Variants in FAT1 observed in about 807,000 individuals in gnomAD.
The protein encoded by FAT1 is FAT atypical cadherin 1.
A neutral mutation model predicts 329.8 loss-of-function variants in FAT1; 171 were observed. That is an observed-to-expected ratio of 0.52 (90% CI 0.46 to 0.59). The LOEUF (loss-of-function observed/expected upper bound fraction) is 0.59. Among genes scored for constraint, FAT1 ranks in the 20% least tolerant of loss-of-function variants. The probability of loss-of-function intolerance (pLI) is 0.00; values close to 1 mark genes in which losing one functional copy is unlikely to be tolerated. For missense variants in FAT1, 5,672 were observed against 5,774.4 expected, an observed-to-expected ratio of 0.98 and a Z score of 0.57; for synonymous variants, 2,233 against 2,228.6, an observed-to-expected ratio of 1.00 and a Z score of -0.06.
intron 9 of FAT1, among the ~76,000 whole-genome samples, chr4:186,623,422 T>C (rs1192083549): frequency 6.6e-6 from 1 of 152,208 alleles, no homozygotes; most frequent in Non-Finnish European, 1.5e-5. Context: ...CACAGGAGAC[T>C]GGGGCAGCCA....
intron 3 of FAT1, among the ~76,000 whole-genome samples, chr4:186,658,309 A>G (rs996978900): frequency 6.6e-6 from 1 of 152,216 alleles, no homozygotes; most frequent in Admixed American, 6.5e-5. Flanking sequence ...AATTAAGCAC[A>G]AAAACCTTGA....
chr4:186,624,750 T>A (rs1441403459), intron 9 of FAT1, among the ~76,000 whole-genome samples: 1 of 152,232 alleles, frequency 6.6e-6, no homozygotes, highest in East Asian at 1.9e-4. Flanking sequence ...TTAAATGTAA[T>A]CTGACACAAA....
chr4:186,679,162 C>A (rs147659555), intron 2 of FAT1, among the ~76,000 whole-genome samples: 2 of 152,080 alleles, frequency 1.3e-5, no homozygotes, highest in Non-Finnish European at 1.5e-5. Flanking sequence ...GGGTGGATCA[C>A]GAGGTCAGGA....
intron 2 of FAT1, among the ~76,000 whole-genome samples, chr4:186,687,405 A>AAGAAC (rs58105305): frequency 0.058 from 8,896 of 152,262 alleles, 279 homozygotes; most frequent in South Asian, 0.097. Flanking sequence ...AACAAAAAAA[A>AAGAAC]AGAACAGCTT....
At chr4:186,667,609 C>T (rs996206595) in intron 2 of FAT1, among the ~76,000 whole-genome samples, 1 of 152,098 alleles carries the variant, frequency 6.6e-6, no homozygotes, top group Non-Finnish European at 1.5e-5. Context: ...TTTCAACTGC[C>T]AAAGGGAGAG....
Position 186,618,929 on chromosome 4 carries a change from T to C in FAT1, c.7657A>G (p.Lys2553Glu), listed in dbSNP as rs2126500472. ...TCCGCCGGGGTTTCTCGATCAAGTT[T>C]TTCCAAAGTAAATATCTGTCCTCTC... ...NERGQIFTLE[K>E]LDRETPAEKV... Residue 2553 changes from lysine (K) to glutamate (E), a missense_variant, in exon 10 of 27, where the codon AAA (lysine) becomes GAA (glutamate). Lys to Glu is a moderately conservative substitution (Grantham distance 56, BLOSUM62 1). Coordinates refer to ENST00000441802, the MANE Select transcript of FAT1 (RefSeq NM_005245.4). The C allele has an allele frequency of 3.7e-6, 6 of 1,613,940 alleles. No individual in the cohort carries two copies. Among genetic ancestry groups the C allele is most frequent in the Non-Finnish European group, 5.1e-6 (6 of 1,179,878 alleles).
At chr4:186,593,869 T>A (rs924530791) in intron 26 of FAT1, among the ~76,000 whole-genome samples, 1 of 152,116 alleles carries the variant, frequency 6.6e-6, no homozygotes, top group Non-Finnish European at 1.5e-5. Context: ...AAGTTTGTGG[T>A]AATCTGTAAT....
rs779562459 is a variant in FAT1, at chr4:186,609,261, A to G, written c.10128T>C (p.Asp3376=). 1 of 1,614,054 alleles carries G rather than the reference A, an allele frequency of 6.2e-7. No individual in the cohort carries two copies. Among genetic ancestry groups the G allele is most frequent in the Non-Finnish European group, 8.5e-7 (1 of 1,179,900 alleles). Reference sequence around the variant, plus strand: ...TTGTGAACGAGCTTCCTTGGTTGCCATCTATAATTGAGTAGTGGATGTGGC... The same window carrying G: ...TTGTGAACGAGCTTCCTTGGTTGCCGTCTATAATTGAGTAGTGGATGTGGC... ...SNSHIHYSII[D]GNQGSSFTID... is the part of the protein sequence containing the mutation. Residue 3376 remains aspartate (D), a synonymous_variant, in exon 16 of 27, where the codon GAT becomes GAC. Coordinates refer to ENST00000441802, the MANE Select transcript of FAT1 (RefSeq NM_005245.4).
chr4:186,611,536 AT>A lies in FAT1; in HGVS notation c.9702del (p.Glu3234AspfsTer36). 1 of 1,613,860 alleles carries A rather than the reference AT, an allele frequency of 6.2e-7. No individual in the cohort carries two copies. Among genetic ancestry groups the A allele is most frequent in the East Asian group, 2.2e-5 (1 of 44,878 alleles). On this transcript the variant is annotated frameshift_variant, in exon 14 of 27. Coordinates refer to ENST00000441802, the MANE Select transcript of FAT1 (RefSeq NM_005245.4). LOFTEE classifies it high-confidence loss of function. The stretch of plus-strand genomic sequence containing the variant: ...ATGTCCTCAGACACGGTGGCACCAT[AT>A]TCACGGTACTCAAACACAGGGGGGT... Reference protein sequence around the residue: ...NDNPPVFEYREYGATVSEDIL... With the variant: ...NDNPPVFEYRXYGATVSEDIL...
At position 186,696,192 on chromosome 4, in the gene FAT1, T is replaced by C. The variant is rs187119611; in HGVS notation, c.3265+10371A>G. 7.9e-3 allele frequency among the ~76,000 whole-genome samples: 1,204 copies of C among 152,322 alleles called. 20 individuals carry two copies. The highest frequency in any genetic ancestry group is 0.028 in the African/African-American group (1,176 of 41,570). On this transcript the variant is annotated intron_variant, in intron 2 of 26. Coordinates refer to ENST00000441802, the MANE Select transcript of FAT1 (RefSeq NM_005245.4). The stretch of plus-strand genomic sequence containing the variant: ...GTGTGACTTCTTTCTGAAATCAACA[T>C]TCTGCCAATTAAAACCACATATGGA...
chr4:186,681,658 A>T (rs1215774856), intron 2 of FAT1, among the ~76,000 whole-genome samples: 1 of 152,240 alleles, frequency 6.6e-6, no homozygotes, highest in East Asian at 1.9e-4. Flanking sequence ...AGACACATCG[A>T]TGAGTTATTT....
At chr4:186,594,744 T>C (rs1738420728) in intron 26 of FAT1, among the ~76,000 whole-genome samples, 1 of 146,178 alleles carries the variant, frequency 6.8e-6, no homozygotes, top group Admixed American at 6.8e-5. Flanking sequence ...CTATCTTTAG[T>C]TTGAAAAATG....
chr4:186,657,568 T>C (rs971321162), intron 3 of FAT1, among the ~76,000 whole-genome samples: 5 of 152,182 alleles, frequency 3.3e-5, no homozygotes, highest in Non-Finnish European at 5.9e-5. Context: ...ATAGTGGTGA[T>C]GTTTTCTCAG....
intron 2 of FAT1, among the ~76,000 whole-genome samples, chr4:186,694,063 A>G (rs542067555): frequency 4.6e-5 from 7 of 151,352 alleles, no homozygotes; most frequent in African/African-American, 1.5e-4. Context: ...CACAAGCTCG[A>G]CCTGCCTCTC....
At chr4:186,681,873 A>G (rs1235098013) in intron 2 of FAT1, among the ~76,000 whole-genome samples, 2 of 152,206 alleles carry the variant, frequency 1.3e-5, no homozygotes, top group Admixed American at 6.5e-5. Context: ...AGAAAGGAAC[A>G]TTAGTCCACC....
chr4:186,601,162 A>T, intron 21 of FAT1, 107 bp downstream of exon 21: 1 of 1,031,638 alleles, frequency 9.7e-7, no homozygotes, highest in Non-Finnish European at 1.4e-6. Flanking sequence ...GTGGAATTCA[A>T]CCATTTCACT....
rs1738071988 is a variant in FAT1 at position 186,588,682 on chromosome 4, G to C, written c.13677C>G (p.Val4559=). The C allele has an allele frequency of 6.2e-7, 1 of 1,613,952 alleles. No individual in the cohort carries two copies. The highest frequency in any genetic ancestry group is 8.5e-7 in the Non-Finnish European group (1 of 1,179,896). The change falls in exon 27 of 27, where the codon GTC becomes GTG. Residue 4559 remains valine, a synonymous_variant. Coordinates refer to ENST00000441802, the MANE Select transcript of FAT1 (RefSeq NM_005245.4). ...VSACCEVESE[V]MMSDYESGDD... is the part of the protein sequence containing the mutation. Reference sequence around the variant, plus strand: ...CCCCGCTCTCATAGTCACTCATCATGACCTCGGACTCCACTTCGCAGCAGG... The same window carrying C: ...CCCCGCTCTCATAGTCACTCATCATCACCTCGGACTCCACTTCGCAGCAGG...
At chr4:186,668,146 C>A (rs934558413) in intron 2 of FAT1, among the ~76,000 whole-genome samples, 2 of 152,126 alleles carry the variant, frequency 1.3e-5, no homozygotes, top group Non-Finnish European at 2.9e-5. Flanking sequence ...GGAAGGAAGC[C>A]TTAAGCGTGC....
intron 2 of FAT1, among the ~76,000 whole-genome samples, chr4:186,697,895 C>T (rs1033926318): frequency 1.3e-5 from 2 of 152,176 alleles, no homozygotes; most frequent in African/African-American, 4.8e-5. Flanking sequence ...TGCATGAACA[C>T]AGGTTCGGCA....
Sources: allele counts gnomAD v4.1 joint callset (sites outside exome capture counted in the v4.1 genomes callset), GRCh38; gene constraint gnomAD v4.1.1; transcripts MANE v1.5; gene names NCBI Gene and HGNC (gene_info 2026-07-23, HGNC 2026-07-21).